Variants in NPAS3 observed in about 807,000 individuals in gnomAD.
The protein encoded by NPAS3 is neuronal PAS domain-containing protein 3.
Under a neutral mutation model 73.1 loss-of-function variants are expected in NPAS3, and 14 were observed. The observed-to-expected ratio is 0.19, with a 90% CI of 0.13 to 0.30. The LOEUF (loss-of-function observed/expected upper bound fraction) is 0.30, where lower values mean the gene tolerates loss of function less well. Ranked by LOEUF, NPAS3 falls within the 10% of genes least tolerant of loss-of-function variation. The pLI is 1.00. For synonymous variants in NPAS3, 620 were observed against 541.5 expected (o/e 1.14, Z -2.01); for missense variants, 1,096 against 1,250.0 (o/e 0.88, Z 1.86).
intron 2 of NPAS3, among the ~76,000 whole-genome samples, chr14:33,206,482 A>T (rs540678237): frequency 6.6e-6 from 1 of 152,208 alleles, no homozygotes; most frequent in African/African-American, 2.4e-5. Context: ...GGGAAAATTT[A>T]AAAACTCATA....
At chr14:33,322,660 CCT>C (rs1157160240) in intron 3 of NPAS3, among the ~76,000 whole-genome samples, 1 of 152,002 alleles carries the variant, frequency 6.6e-6, no homozygotes, top group East Asian at 1.9e-4. Context: ...GAGCTCTCTC[CCT>C]GTTTTCATCT....
At chr14:33,180,407 T>A (rs1314311227) in intron 2 of NPAS3, among the ~76,000 whole-genome samples, 1 of 152,168 alleles carries the variant, frequency 6.6e-6, no homozygotes, top group Non-Finnish European at 1.5e-5. Flanking sequence ...TACCCGAGAT[T>A]TGCGTTTTTT....
chr14:33,009,208 TC>T (rs2039103979), intron 1 of NPAS3, among the ~76,000 whole-genome samples: 1 of 152,144 alleles, frequency 6.6e-6, no homozygotes, highest in Non-Finnish European at 1.5e-5. Flanking sequence ...ACAGCTTCTT[TC>T]CTGAAAGAGC....
chr14:33,345,404 A>G (rs934311921), intron 3 of NPAS3, among the ~76,000 whole-genome samples: 2 of 152,226 alleles, frequency 1.3e-5, no homozygotes, highest in African/African-American at 2.4e-5. Flanking sequence ...CATAGATATT[A>G]TGGAAGCTTT....
At chr14:33,661,104 A>C (rs1252822575) in intron 5 of NPAS3, among the ~76,000 whole-genome samples, 1 of 151,980 alleles carries the variant, frequency 6.6e-6, no homozygotes, top group East Asian at 1.9e-4. Context: ...AAGGAAAAAA[A>C]AAAAAAAAAA....
upstream of NPAS3, among the ~76,000 whole-genome samples, chr14:32,936,014 T>C (rs538316995): frequency 1.2e-4 from 18 of 152,386 alleles, no homozygotes; most frequent in African/African-American, 4.3e-4. Context: ...TCTGAGAGAT[T>C]TGCCAATGGC....
rs547458447 is a variant in NPAS3, at chr14:33,051,110, TAAAA to T, written c.51-4793_51-4790del. Among the ~76,000 whole-genome samples the T allele has an allele frequency of 5.1e-3, 776 of 150,972 alleles. 8 individuals carry two copies. Among genetic ancestry groups the T allele is most frequent in the African/African-American group, 0.018 (743 of 40,872 alleles). ...TAACAAGGTGAAACCCCGTCTCTAC[TAAAA>T]ATACAAAAAATTAGCCGGGCGCGGT... is the stretch of plus-strand genomic sequence containing the variant. On this transcript the variant is annotated intron_variant, in intron 1 of 11. Transcript: ENST00000356141.
chr14:33,780,210 C>T (rs1483464000), intron 9 of NPAS3, among the ~76,000 whole-genome samples: 1 of 152,094 alleles, frequency 6.6e-6, no homozygotes, highest in Non-Finnish European at 1.5e-5. Flanking sequence ...TATTGCACAC[C>T]AGGGATTTAG....
intron 1 of NPAS3, among the ~76,000 whole-genome samples, chr14:32,970,931 A>G (rs2037393060): frequency 6.6e-6 from 1 of 152,004 alleles, no homozygotes; most frequent in African/African-American, 2.4e-5. Context: ...TAGAACTTCA[A>G]CATACCTTTT....
At chr14:33,392,288 A>T (rs533363136) in intron 4 of NPAS3, among the ~76,000 whole-genome samples, 1 of 152,298 alleles carries the variant, frequency 6.6e-6, no homozygotes, top group African/African-American at 2.4e-5. Context: ...ATTAATATTT[A>T]TTGAGCATTT....
intron 4 of NPAS3, among the ~76,000 whole-genome samples, chr14:33,439,718 G>C (rs1237574917): frequency 1.3e-5 from 2 of 152,234 alleles, no homozygotes; most frequent in Non-Finnish European, 2.9e-5. Flanking sequence ...TAACTCGTCA[G>C]TGCTAATGGA....
intron 7 of NPAS3, among the ~76,000 whole-genome samples, chr14:33,740,856 G>A (rs762739552): frequency 5.9e-5 from 9 of 151,588 alleles, no homozygotes; most frequent in Non-Finnish European, 8.8e-5. Context: ...TAAACATTTC[G>A]GGCCTCTCTC....
intron 1 of NPAS3, among the ~76,000 whole-genome samples, chr14:32,993,433 A>G (rs1274580404): frequency 6.6e-6 from 1 of 152,194 alleles, no homozygotes; most frequent in Non-Finnish European, 1.5e-5. Context: ...AAATATAATC[A>G]AATACAATCA....
chr14:33,662,444 T>C (rs2059334590), intron 5 of NPAS3, among the ~76,000 whole-genome samples: 1 of 152,214 alleles, frequency 6.6e-6, no homozygotes, highest in African/African-American at 2.4e-5. Context: ...CAAAATGTGG[T>C]TCCACATGAA....
chr14:33,130,692 C>T (rs1463091458), intron 2 of NPAS3, among the ~76,000 whole-genome samples: 3 of 152,104 alleles, frequency 2.0e-5, no homozygotes, highest in African/African-American at 7.2e-5. Context: ...AGCTGGCTTC[C>T]TAGTCAATTT....
chr14:33,199,515 A>G (rs1022225635), intron 2 of NPAS3, among the ~76,000 whole-genome samples: 6 of 152,056 alleles, frequency 3.9e-5, no homozygotes, highest in African/African-American at 1.2e-4. Flanking sequence ...TGCTTTCCTC[A>G]GTTTACCTCA....
At chr14:33,782,819 T>A (rs1415085033) in intron 9 of NPAS3, among the ~76,000 whole-genome samples, 1 of 133,360 alleles carries the variant, frequency 7.5e-6, no homozygotes, top group Non-Finnish European at 1.6e-5. Context: ...GGGTTGTTTT[T>A]TTTTAAAAAA....
chr14:33,366,721 A>G (rs780660462), intron 3 of NPAS3, among the ~76,000 whole-genome samples: 22 of 152,220 alleles, frequency 1.4e-4, no homozygotes, highest in Admixed American at 6.5e-4. Flanking sequence ...AAGTTATTGC[A>G]TTAGAAAATA....
intron 3 of NPAS3, among the ~76,000 whole-genome samples, chr14:33,330,446 G>T (rs955745343): frequency 1.6e-4 from 24 of 152,094 alleles, no homozygotes; most frequent in African/African-American, 5.6e-4. Flanking sequence ...GATTAAGTGA[G>T]ATAACGTCAA....
Sources: allele counts gnomAD v4.1 joint callset (sites outside exome capture counted in the v4.1 genomes callset), GRCh38; gene constraint gnomAD v4.1.1; transcripts MANE v1.5; gene names NCBI Gene and HGNC (gene_info 2026-07-23, HGNC 2026-07-21).